Variants in NOC2L observed in about 807,000 individuals in gnomAD.
The protein encoded by NOC2L is NOC2 like nucleolar associated transcriptional repressor.
NOC2L carries 101 observed loss-of-function variants against 94.2 expected under a neutral mutation model. The observed-to-expected ratio is 1.07, with a 90% CI of 0.91 to 1.26. The LOEUF is 1.26. Among genes scored for constraint, NOC2L ranks in the 50% most tolerant of loss-of-function variants. The pLI is 0.00. For synonymous variants in NOC2L, 531 were observed against 413.4 expected (o/e 1.28, Z -3.45); for missense variants, 1,076 against 980.1 (o/e 1.10, Z -1.31).
In NOC2L at chr1:946,529, C is replaced by CGA; in HGVS notation, c.1675_1676insTC (p.Arg559LeufsTer50). 6.2e-7 allele frequency: 1 copy of CGA among 1,612,458 alleles called. No individual in the cohort carries two copies. Among genetic ancestry groups the CGA allele is most frequent in the Non-Finnish European group, 8.5e-7 (1 of 1,179,418 alleles). ...GCAGTAGTTGGCCACCTTGCACTCC[C>CGA]GGAGGAACGACTTCAGCTGCGGAAG... On this transcript the variant is annotated frameshift_variant, in exon 15 of 19. Coordinates refer to ENST00000327044, the MANE Select transcript of NOC2L (RefSeq NM_015658.4). LOFTEE classifies it high-confidence loss of function.
chr1:944,744 G>A lies in NOC2L; in HGVS notation c.2200C>T (p.Gln734Ter), dbSNP rs780132632. 13 of 1,600,788 alleles carry A rather than the reference G, an allele frequency of 8.1e-6. No individual in the cohort carries two copies. Among genetic ancestry groups the A allele is most frequent in the South Asian group, 1.1e-5 (1 of 90,884 alleles). Residue 734 changes from glutamine to a stop codon, truncating the protein, a stop_gained, in exon 19 of 19, where the codon CAG (glutamine) becomes TAG (stop). Transcript: ENST00000327044. LOFTEE classifies it high-confidence loss of function. ...TCCTCCAGCTCGTCCTCCGGCCCCT[G>A]GGCCAGCTGCTGCAGCTCCCCAGGG... ...LAPGELQQLA[Q>*]GPEDELEDLQ...
At chr1:956,725 G>A (rs765059741) in intron 4 of NOC2L, among the ~76,000 whole-genome samples, 169 bp downstream of exon 4, 9 of 152,232 alleles carry the variant, frequency 5.9e-5, no homozygotes, top group Admixed American at 2.6e-4. Flanking sequence ...CGTCCCCTGC[G>A]TGGAGAACAG....
chr1:957,306 A>T (rs1180321402), intron 2 of NOC2L, 33 bp from the exon 3 acceptor site: 5 of 1,608,460 alleles, frequency 3.1e-6, no homozygotes, highest in Non-Finnish European at 4.3e-6. Context: ...CCCCAGTGGG[A>T]AGTGGAAGTA....
intron 4 of NOC2L, 151 bp downstream of exon 4, chr1:956,743 C>A: frequency 8.9e-7 from 1 of 1,128,554 alleles, no homozygotes; most frequent in Non-Finnish European, 1.3e-6. Flanking sequence ...CAGCCCCTCC[C>A]ACCAGCACAG....
chr1:948,863 C>T (rs927078336), intron 12 of NOC2L, among the ~76,000 whole-genome samples: 4 of 152,116 alleles, frequency 2.6e-5, no homozygotes, highest in Admixed American at 6.5e-5. Flanking sequence ...ATCAGGAACA[C>T]GGGCCCTCTC....
Position 954,101 on chromosome 1 carries a change from C to A in NOC2L, c.699-19G>T, listed in dbSNP as rs773193866. The A allele has an allele frequency of 1.9e-6, 3 of 1,609,712 alleles. No individual in the cohort carries two copies. In the African/African-American group the frequency reaches 4.0e-5, roughly 22 times the overall value. The stretch of plus-strand genomic sequence containing the variant: ...CAGCATCCTGCAGAGAGACCACCCA[C>A]CCCTGGCTGGGAGGCCCCACGGCTC... On this transcript the variant is annotated intron_variant, in intron 6 of 18. Coordinates refer to ENST00000327044, the MANE Select transcript of NOC2L (RefSeq NM_015658.4).
Position 956,025 on chromosome 1 carries a change from A to G in NOC2L, c.608-12T>C, listed in dbSNP as rs933432445. The G allele has an allele frequency of 1.2e-6, 2 of 1,614,092 alleles. No homozygotes were observed. Among genetic ancestry groups the G allele is most frequent in the South Asian group, 2.2e-5 (2 of 91,078 alleles). ...CAGAGCATTGAATGCTGCAACGAAA[A>G]GGCCTGGATGTACTCACGGGACAGA... On this transcript the variant is annotated splice_polypyrimidine_tract_variant and intron_variant, in intron 5 of 18. Transcript: ENST00000327044.
rs1202548268 is a variant in NOC2L, at chr1:944,798, C to T, written c.2146G>A (p.Gly716Arg). ...GEEDSSNSED[G>R]DPDAEAGLAP... ...AGCCCCGCCTCTGCGTCTGGGTCTC[C>T]ATCTGCGGGGAGAGATGGAGGCTAC... The change falls in exon 19 of 19, where the codon GGA (glycine) becomes AGA (arginine). Residue 716 changes from glycine (G) to arginine (R), a missense_variant and splice_region_variant. This residue lies in a region of NOC2L where 615 missense variants were observed against 577.4 expected (regional missense o/e 1.07). Transcript: ENST00000327044. The T allele has an allele frequency of 1.9e-6, 3 of 1,578,848 alleles. No homozygotes were observed. Among genetic ancestry groups the T allele is most frequent in the Non-Finnish European group, 1.7e-6 (2 of 1,164,666 alleles).
chr1:957,151 T>C lies in NOC2L; in HGVS notation c.302A>G (p.Asp101Gly). The change falls in exon 3 of 19, where the codon GAC becomes GGC. Residue 101 changes from aspartate (D) to glycine (G), a missense_variant. Physicochemically the swap from Asp to Gly is moderately conservative, Grantham distance 94. This residue lies in a region of NOC2L where 457 missense variants were observed against 386.0 expected (regional missense o/e 1.18). Coordinates refer to ENST00000327044, the MANE Select transcript of NOC2L (RefSeq NM_015658.4). Reference protein sequence around the residue: ...DQSLLNFSDSDSSEEEEGPFH... With the variant: ...DQSLLNFSDSGSSEEEEGPFH... ...CGGCCCCTCTTCCTCCTCAGAGCTG[T>C]CCGAGTCGCTGAAGTTTAGCAGGCT... is the stretch of plus-strand genomic sequence containing the variant. The C allele has an allele frequency of 6.2e-7, 1 of 1,614,082 alleles. No individual in the cohort carries two copies. The highest frequency in any genetic ancestry group is 8.5e-7 in the Non-Finnish European group (1 of 1,180,028).
intron 10 of NOC2L, 83 bp from the exon 11 acceptor site, chr1:952,222 C>T: frequency 1.3e-6 from 2 of 1,526,702 alleles, no homozygotes; most frequent in African/African-American, 2.7e-5. Context: ...GCACAGGAAT[C>T]ATTTCCTCAT....
At chr1:947,450 C>T (rs1372049994) in intron 14 of NOC2L, among the ~76,000 whole-genome samples, 1 of 152,246 alleles carries the variant, frequency 6.6e-6, no homozygotes, top group African/African-American at 2.4e-5. Context: ...CAGATCCCTC[C>T]TCCCCACACT....
Position 944,346 on chromosome 1 carries a change from T to C in NOC2L, c.*348A>G, listed in dbSNP as rs1211788412. The C allele has an allele frequency of 9.5e-6, 13 of 1,371,824 alleles. No individual in the cohort carries two copies. The highest frequency in any genetic ancestry group is 7.0e-5 in the Admixed American group (2 of 28,394). 85.0% of individuals were successfully genotyped at this position (1,371,824 alleles called of 1,614,324 possible). ...GAGTGAAGGCAGAGCCTGGTGCAGA[T>C]GGACGAGGTCTGCAGACGGAGGGCA... On this transcript the variant is annotated 3_prime_UTR_variant, in exon 19 of 19. Coordinates refer to ENST00000327044, the MANE Select transcript of NOC2L (RefSeq NM_015658.4).
chr1:955,642 G>C (rs925483524), intron 6 of NOC2L, among the ~76,000 whole-genome samples: 1 of 152,194 alleles, frequency 6.6e-6, no homozygotes, highest in African/African-American at 2.4e-5. Context: ...CCTAACCTGG[G>C]AAAATCTGAG....
In NOC2L at chr1:956,492, G is replaced by C. The variant is rs112053507; in HGVS notation, c.487-277C>G. Among the ~76,000 whole-genome samples, 156 of 152,232 alleles carry C rather than the reference G, an allele frequency of 1.0e-3. 1 individual carries two copies. The highest frequency in any genetic ancestry group is 3.7e-3 in the African/African-American group (153 of 41,522). On this transcript the variant is annotated intron_variant, in intron 4 of 18. Transcript: ENST00000327044. ...CTCCAGGTGGTATCTGGAGCTCTCC[G>C]TATCCTTGTCCCTGGAAAAAAACAC...
chr1:945,015 T>C (rs1296524148), intron 18 of NOC2L, 42 bp downstream of exon 18: 1 of 1,613,422 alleles, frequency 6.2e-7, no homozygotes, highest in Non-Finnish European at 8.5e-7. Flanking sequence ...TCCCGCCAGA[T>C]GGGCTCACAG....
intron 10 of NOC2L, 84 bp downstream of exon 10, chr1:952,328 A>G: frequency 1.3e-6 from 2 of 1,517,338 alleles, no homozygotes; most frequent in Admixed American, 1.8e-5. Flanking sequence ...GGCTTCGGGG[A>G]GGCCCCAGGC....
chr1:954,413 C>G (rs546605479), intron 6 of NOC2L: 141 of 297,250 alleles, frequency 4.7e-4, no homozygotes, highest in Non-Finnish European at 7.6e-4. Context: ...GATCACATCC[C>G]CACCGTGAGA....
intron 14 of NOC2L, among the ~76,000 whole-genome samples, chr1:947,669 G>A (rs953585236): frequency 1.4e-4 from 21 of 152,340 alleles, no homozygotes; most frequent in East Asian, 3.9e-4. Flanking sequence ...GGCTGACGTG[G>A]GGTATTTAGC....
chr1:954,258 G>C (rs13303206), intron 6 of NOC2L, 176 bp from the exon 7 acceptor site: 552,059 of 599,898 alleles, frequency 0.92, 254,255 homozygotes, highest in East Asian at 0.94. Context: ...AGGGGCTTAG[G>C]AGGACCCTCT....
Sources: gnomAD v4.1 joint callset for allele counts (sites outside exome capture counted in the v4.1 genomes callset) on GRCh38, gnomAD v4.1.1 for gene constraint, gnomAD v4.1.1 regional missense constraint, MANE v1.5 for transcripts, NCBI Gene and HGNC (gene_info 2026-07-23, HGNC 2026-07-21) for gene names.